The following NAV3 variants were observed in gnomAD, a reference collection of about 807,000 sequenced individuals.
The protein encoded by NAV3 is neuron navigator 3.
NAV3 carries 87 observed loss-of-function variants against 244.7 expected under a neutral mutation model. The ratio of observed to expected loss-of-function variants is 0.36; its 90% CI spans 0.30 to 0.42. The LOEUF (loss-of-function observed/expected upper bound fraction) is 0.42, where lower values mean the gene tolerates loss of function less well. NAV3 is among the 20% of genes least tolerant of loss of function. The pLI is 1.00. For missense variants in NAV3, 2,663 were observed against 2,893.3 expected, an observed-to-expected ratio of 0.92 and a Z score of 1.83; for synonymous variants, 1,126 against 1,042.2, an observed-to-expected ratio of 1.08 and a Z score of -1.55.
At chr12:77,648,988 G>C (rs111304934) in intron 2 of NAV3, among the ~76,000 whole-genome samples, 2 of 152,080 alleles carry the variant, frequency 1.3e-5, no homozygotes, top group Non-Finnish European at 2.9e-5. Flanking sequence ...AGTCTTAGGA[G>C]ATCTGCTGTA....
chr12:78,118,812 A>G (rs1955536615), intron 14 of NAV3, among the ~76,000 whole-genome samples: 1 of 152,192 alleles, frequency 6.6e-6, no homozygotes, highest in Non-Finnish European at 1.5e-5. Flanking sequence ...CTTTTTTTAA[A>G]AAGACTCTCC....
chr12:77,586,520 T>G (rs1778843131), intron 2 of NAV3, among the ~76,000 whole-genome samples: 2 of 152,234 alleles, frequency 1.3e-5, no homozygotes, highest in Admixed American at 1.3e-4. Flanking sequence ...AATAGAATGT[T>G]GATTAACTGA....
At chr12:77,574,909 A>G (rs766259129) in intron 2 of NAV3, among the ~76,000 whole-genome samples, 4 of 151,960 alleles carry the variant, frequency 2.6e-5, no homozygotes, top group Non-Finnish European at 5.9e-5. Context: ...TGCTTATCAT[A>G]TGTCAGGAAC....
intron 1 of NAV3, among the ~76,000 whole-genome samples, chr12:77,844,905 C>G (rs1329960146): frequency 2.0e-5 from 3 of 152,112 alleles, no homozygotes; most frequent in African/African-American, 7.2e-5. Context: ...ATTTTCTCGA[C>G]TTTGGGATTA....
intron 1 of NAV3, among the ~76,000 whole-genome samples, chr12:77,875,414 T>A (rs1881704653): frequency 6.6e-6 from 1 of 152,104 alleles, no homozygotes; most frequent in East Asian, 1.9e-4. Flanking sequence ...CTTGCTTCAA[T>A]GTTCTTTATT....
chr12:77,599,691 C>T (rs1870334397), intron 2 of NAV3, among the ~76,000 whole-genome samples: 1 of 151,434 alleles, frequency 6.6e-6, no homozygotes. Context: ...TCATAGGTTC[C>T]TTAACAATGA....
intron 2 of NAV3, among the ~76,000 whole-genome samples, chr12:77,694,899 G>A (rs1008226402): frequency 6.6e-6 from 1 of 152,130 alleles, no homozygotes; most frequent in East Asian, 1.9e-4. Flanking sequence ...CACATGGAAA[G>A]AGACTAAGAT....
chr12:77,585,163 G>A (rs573463617), intron 2 of NAV3, among the ~76,000 whole-genome samples: 2 of 151,736 alleles, frequency 1.3e-5, no homozygotes, highest in East Asian at 3.9e-4. Context: ...GTCTCAGAGA[G>A]AAGATGATCC....
chr12:78,193,304 C>T (rs190681839), intron 34 of NAV3, among the ~76,000 whole-genome samples: 2 of 152,310 alleles, frequency 1.3e-5, no homozygotes, highest in East Asian at 3.9e-4. Flanking sequence ...TAAACAATTA[C>T]ACTTTGTGAC....
At chr12:78,172,497 A>G (rs1958045900) in intron 24 of NAV3, among the ~76,000 whole-genome samples, 1 of 151,576 alleles carries the variant, frequency 6.6e-6, no homozygotes. Flanking sequence ...TCATTGGTGA[A>G]GCTGAACATG....
intron 22 of NAV3, among the ~76,000 whole-genome samples, chr12:78,157,090 G>A (rs1445789783): frequency 6.6e-6 from 1 of 152,090 alleles, no homozygotes; most frequent in Admixed American, 6.6e-5. Flanking sequence ...TTTGGGGAAG[G>A]AAGAGGGAAT....
chr12:77,973,105 TA>T, intron 5 of NAV3, among the ~76,000 whole-genome samples: 1 of 152,200 alleles, frequency 6.6e-6, no homozygotes. Flanking sequence ...AAAGCTTTTT[TA>T]AAAGACGTGA....
At chr12:78,045,272 A>C (rs1327388254) in intron 9 of NAV3, among the ~76,000 whole-genome samples, 1 of 152,098 alleles carries the variant, frequency 6.6e-6, no homozygotes, top group Non-Finnish European at 1.5e-5. Context: ...TATCCCAGCA[A>C]TGAACCCAAC....
intron 12 of NAV3, among the ~76,000 whole-genome samples, chr12:78,113,841 G>A (rs1955230932): frequency 6.6e-6 from 1 of 152,132 alleles, no homozygotes; most frequent in South Asian, 2.1e-4. Context: ...GGCATCATCA[G>A]GTTGCAAATT....
At chr12:78,200,713 A>G in intron 38 of NAV3, 122 bp downstream of exon 38, 1 of 474,212 alleles carries the variant, frequency 2.1e-6, no homozygotes, top group Non-Finnish European at 3.6e-6. Context: ...AACTATATGA[A>G]TAGAGCAATA....
At chr12:77,639,043 C>G (rs1872278647) in intron 2 of NAV3, among the ~76,000 whole-genome samples, 1 of 152,038 alleles carries the variant, frequency 6.6e-6, no homozygotes, top group Non-Finnish European at 1.5e-5. Context: ...TACACGTTGA[C>G]AATTAGAGAT....
intron 21 of NAV3, among the ~76,000 whole-genome samples, chr12:78,148,492 T>C (rs890010408): frequency 2.2e-4 from 33 of 152,130 alleles, no homozygotes; most frequent in Non-Finnish European, 4.9e-4. Context: ...ATACAGTTTT[T>C]ATAAAGAAAA....
At chr12:78,106,515 G>A (rs965100014) in intron 12 of NAV3, among the ~76,000 whole-genome samples, 2 of 152,106 alleles carry the variant, frequency 1.3e-5, no homozygotes, top group Admixed American at 6.5e-5. Context: ...TCAATATAAT[G>A]GTGAACAGAA....
At chr12:78,152,930 T>A (rs1957132027) in intron 22 of NAV3, among the ~76,000 whole-genome samples, 1 of 151,968 alleles carries the variant, frequency 6.6e-6, no homozygotes, top group Non-Finnish European at 1.5e-5. Context: ...ATAGCTATAA[T>A]TTATAGGGAT....
Sources: allele counts gnomAD v4.1 joint callset (sites outside exome capture counted in the v4.1 genomes callset), GRCh38; gene constraint gnomAD v4.1.1; transcripts MANE v1.5; gene names NCBI Gene and HGNC (gene_info 2026-07-23, HGNC 2026-07-21).